Variants in ANK3 observed in about 807,000 individuals in gnomAD.
ANK3 encodes the protein ankyrin-3.
A neutral mutation model predicts 370.9 loss-of-function variants in ANK3; 57 were observed. That is an observed-to-expected ratio of 0.15 (90% CI 0.12 to 0.19). The LOEUF (loss-of-function observed/expected upper bound fraction) is 0.19, where lower values mean the gene tolerates loss of function less well. Among genes scored for constraint, ANK3 ranks in the 10% least tolerant of loss-of-function variants. ANK3 has a pLI of 1.00. For synonymous variants in ANK3, 1,929 were observed against 1,946.3 expected, an observed-to-expected ratio of 0.99 and a Z score of 0.23; for missense variants, 4,439 against 5,302.1, an observed-to-expected ratio of 0.84 and a Z score of 5.06.
Position 60,108,841 on chromosome 10 carries a change from T to C in ANK3, c.3162A>G (p.Ala1054=). The change falls in exon 27 of 44, where the codon GCA becomes GCG. Residue 1054 remains alanine, a synonymous_variant. Transcript: ENST00000280772. ...SRLVEMGPAG[A]QFLGPVIVEI... is the part of the protein sequence containing the mutation. ...ACAAAACAACTTACCCTAAAAATTGTGCCCCTGCAGGACCCATTTCTACCA... is the reference window on the plus strand; with the variant it reads ...ACAAAACAACTTACCCTAAAAATTGCGCCCCTGCAGGACCCATTTCTACCA... The C allele has an allele frequency of 1.2e-6, 2 of 1,613,604 alleles. No individual in the cohort carries two copies. The highest frequency in any genetic ancestry group is 1.3e-5 in the African/African-American group (1 of 75,042).
intron 1 of ANK3, among the ~76,000 whole-genome samples, chr10:60,706,881 T>C (rs887442961): frequency 2.0e-5 from 3 of 152,176 alleles, no homozygotes; most frequent in African/African-American, 7.2e-5. Flanking sequence ...TTCAGGTCTG[T>C]AAATGAGTTT....
At chr10:60,725,510 C>T (rs1169422828) in intron 1 of ANK3, among the ~76,000 whole-genome samples, 1 of 152,172 alleles carries the variant, frequency 6.6e-6, no homozygotes, top group Non-Finnish European at 1.5e-5. Flanking sequence ...TCCACCAGCA[C>T]ACGCAAGGCT....
chr10:60,125,365 A>T (rs1029887314), intron 25 of ANK3, among the ~76,000 whole-genome samples: 4 of 152,196 alleles, frequency 2.6e-5, no homozygotes, highest in Non-Finnish European at 2.9e-5. Flanking sequence ...AGACATCAAA[A>T]CTAACTGCAC....
chr10:60,486,438 G>T (rs1176861089), intron 2 of ANK3, among the ~76,000 whole-genome samples: 1 of 152,086 alleles, frequency 6.6e-6, no homozygotes, highest in East Asian at 1.9e-4. Flanking sequence ...AAATTAGGCT[G>T]GGTGTGGTGT....
intron 1 of ANK3, among the ~76,000 whole-genome samples, chr10:60,362,791 G>T (rs796373521): frequency 6.6e-6 from 1 of 152,070 alleles, no homozygotes; most frequent in Non-Finnish European, 1.5e-5. Flanking sequence ...TACCATGGGC[G>T]GTGATGGAGC....
chr10:60,141,334 A>G (rs2094546345), intron 23 of ANK3, among the ~76,000 whole-genome samples: 1 of 152,040 alleles, frequency 6.6e-6, no homozygotes, highest in South Asian at 2.1e-4. Flanking sequence ...CCCTGGAGGA[A>G]GTGCAAAGCA....
chr10:60,559,070 T>C (rs2077274830), intron 2 of ANK3, among the ~76,000 whole-genome samples: 2 of 152,202 alleles, frequency 1.3e-5, no homozygotes, highest in Non-Finnish European at 2.9e-5. Context: ...ATGCTAGCAA[T>C]GCTTTTAACA....
At chr10:60,724,949 C>T (rs1041344607) in intron 1 of ANK3, among the ~76,000 whole-genome samples, 5 of 152,128 alleles carry the variant, frequency 3.3e-5, no homozygotes, top group African/African-American at 7.2e-5. Context: ...CTATACTTCC[C>T]GGTTCATGGC....
At chr10:60,250,416 G>A (rs1030805660) in intron 7 of ANK3, among the ~76,000 whole-genome samples, 1 of 152,158 alleles carries the variant, frequency 6.6e-6, no homozygotes, top group East Asian at 1.9e-4. Context: ...CCAGGCTGGA[G>A]TGCAGTGGCA....
At chr10:60,060,228 TTC>T in intron 40 of ANK3, 1 of 366,218 alleles carries the variant, frequency 2.7e-6, no homozygotes, top group East Asian at 4.1e-5. Context: ...TATCAATTGT[TTC>T]TGTTTTGGAA....
At chr10:60,508,912 T>A (rs1013101511) in intron 2 of ANK3, among the ~76,000 whole-genome samples, 2 of 152,160 alleles carry the variant, frequency 1.3e-5, no homozygotes, top group African/African-American at 4.8e-5. Context: ...TTGAAGACAA[T>A]AAAACAGGTG....
chr10:60,643,301 A>G (rs2078660983), intron 1 of ANK3, among the ~76,000 whole-genome samples: 2 of 152,162 alleles, frequency 1.3e-5, no homozygotes, highest in Non-Finnish European at 1.5e-5. Flanking sequence ...AGAATAAAGC[A>G]GGGAGAAAAA....
intron 2 of ANK3, among the ~76,000 whole-genome samples, chr10:60,509,142 AC>A (rs1249557131): frequency 1.3e-5 from 2 of 152,094 alleles, no homozygotes; most frequent in East Asian, 3.9e-4. Flanking sequence ...CTGCCCTTAA[AC>A]ACTTTGGTGT....
intron 2 of ANK3, among the ~76,000 whole-genome samples, chr10:60,481,313 G>A (rs2075209618): frequency 6.6e-6 from 1 of 152,102 alleles, no homozygotes; most frequent in Non-Finnish European, 1.5e-5. Flanking sequence ...GGCAACATGA[G>A]CACATGTTTT....
rs2078619832 is a variant in ANK3 at position 60,640,650 on chromosome 10, G to A, written c.58-25426C>T. ...GATGGGACGTATCTTAAAATAATAA[G>A]AGCTATCTATGACAAACCCATAGCC... On this transcript the variant is annotated intron_variant, in intron 1 of 43. Coordinates refer to the ANK3 transcript ENST00000373827. 2.6e-5 allele frequency among the ~76,000 whole-genome samples: 2 copies of A among 77,470 alleles called. 1 individual carries two copies. 50.8% of individuals were successfully genotyped at this position (77,470 alleles called of 152,430 possible).
intron 1 of ANK3, among the ~76,000 whole-genome samples, chr10:60,699,704 A>G (rs1239845988): frequency 6.6e-6 from 1 of 152,136 alleles, no homozygotes; most frequent in East Asian, 1.9e-4. Context: ...TATACATTTA[A>G]GGAGAGAAGA....
At chr10:60,323,753 G>A (rs1226367201) in intron 1 of ANK3, among the ~76,000 whole-genome samples, 1 of 152,176 alleles carries the variant, frequency 6.6e-6, no homozygotes, top group Non-Finnish European at 1.5e-5. Context: ...ATCAGACTGA[G>A]AAAATGTAGC....
intron 1 of ANK3, among the ~76,000 whole-genome samples, chr10:60,649,475 G>T (rs1257021271): frequency 1.3e-5 from 2 of 151,890 alleles, no homozygotes; most frequent in Admixed American, 1.3e-4. Flanking sequence ...AATACCAAGG[G>T]TAAGAACTAT....
rs142364947 is a variant in ANK3 at position 60,058,765 on chromosome 10, T to C, written c.12686+575A>G. Among the ~76,000 whole-genome samples, 16 of 152,334 alleles carry C rather than the reference T, an allele frequency of 1.1e-4. No homozygotes were observed. The East Asian group carries it at 2.9e-3, about 28-fold the overall frequency. ...GGACTTTCATTCATTATTCTTCTTA[T>C]GTTTTTGAGACAGAGTCTCACTCTG... On this transcript the variant is annotated intron_variant, in intron 41 of 43. Transcript: ENST00000280772.
Sources: allele counts gnomAD v4.1 joint callset (sites outside exome capture counted in the v4.1 genomes callset), GRCh38; gene constraint gnomAD v4.1.1; transcripts MANE v1.5; gene names NCBI Gene and HGNC (gene_info 2026-07-23, HGNC 2026-07-21).